Variants in COL5A2 observed in about 807,000 individuals in gnomAD.
COL5A2 encodes collagen alpha-2(V) chain.
In COL5A2, 23 loss-of-function variants were observed where a neutral mutation model predicts 208.2. The observed-to-expected ratio is 0.11, with a 90% CI of 0.08 to 0.16. The LOEUF is 0.16. Ranked by LOEUF, COL5A2 falls within the 10% of genes least tolerant of loss-of-function variation. The probability of loss-of-function intolerance (pLI) is 1.00; values close to 1 mark genes in which losing one functional copy is unlikely to be tolerated. For synonymous variants in COL5A2, 625 were observed against 628.5 expected (o/e 0.99, Z 0.08); for missense variants, 1,590 against 1,956.4 (o/e 0.81, Z 3.53).
chr2:189,386,866 C>T, the COL5A2 span, among the ~76,000 whole-genome samples: 1 of 152,232 alleles, frequency 6.6e-6, no homozygotes, highest in East Asian at 1.9e-4. Context: ...GATATTAATA[C>T]ACTGCTGGTG....
chr2:189,400,177 T>C, the COL5A2 span, among the ~76,000 whole-genome samples: 1 of 152,204 alleles, frequency 6.6e-6, no homozygotes, highest in Non-Finnish European at 1.5e-5. Context: ...TTGATACTTA[T>C]CCTGCTCTGA....
chr2:189,335,834 T>G, the COL5A2 span, among the ~76,000 whole-genome samples: 2 of 152,106 alleles, frequency 1.3e-5, no homozygotes, highest in African/African-American at 4.8e-5. Context: ...AATTACATAG[T>G]GGTGATGGTT....
At chr2:189,115,150 A>G (rs939776610) in intron 1 of COL5A2, among the ~76,000 whole-genome samples, 2 of 152,150 alleles carry the variant, frequency 1.3e-5, no homozygotes, top group Non-Finnish European at 2.9e-5. Flanking sequence ...CAGAAAAGAG[A>G]TATATTTTAT....
intron 5 of COL5A2, 165 bp from the exon 6 acceptor site, chr2:189,097,495 C>T (rs544983164): frequency 4.8e-5 from 35 of 735,372 alleles, no homozygotes; most frequent in Middle Eastern, 6.0e-4. Flanking sequence ...AAGTTCTGTA[C>T]GCTTAGAAGC....
At chr2:189,089,484 A>G (rs1686736252) in intron 7 of COL5A2, among the ~76,000 whole-genome samples, 1 of 152,224 alleles carries the variant, frequency 6.6e-6, no homozygotes, top group Admixed American at 6.5e-5. Flanking sequence ...ATCTGTTGAG[A>G]AAAATGTGTA....
the COL5A2 span, among the ~76,000 whole-genome samples, chr2:189,282,688 A>AT: frequency 2.6e-5 from 4 of 152,188 alleles, no homozygotes; most frequent in East Asian, 7.7e-4. Flanking sequence ...TTAGCATACC[A>AT]TTTTAGCCTT....
chr2:189,236,711 T>C, the COL5A2 span, among the ~76,000 whole-genome samples: 1 of 151,886 alleles, frequency 6.6e-6, no homozygotes, highest in Non-Finnish European at 1.5e-5. Flanking sequence ...CACTGGGCTA[T>C]CTGACATTTT....
the COL5A2 span, among the ~76,000 whole-genome samples, chr2:189,236,562 G>T: frequency 6.6e-6 from 1 of 151,796 alleles, no homozygotes; most frequent in Non-Finnish European, 1.5e-5. Context: ...TCTGGTGGGT[G>T]TAGAGTGGCA....
chr2:189,243,004 G>C, the COL5A2 span, among the ~76,000 whole-genome samples: 1 of 152,130 alleles, frequency 6.6e-6, no homozygotes. Flanking sequence ...CTATTTTGAT[G>C]GGTTGGATGG....
intron 1 of COL5A2, among the ~76,000 whole-genome samples, chr2:189,138,201 C>A (rs1431168313): frequency 6.6e-6 from 1 of 152,114 alleles, no homozygotes; most frequent in Non-Finnish European, 1.5e-5. Context: ...ATCTCGAACT[C>A]CTGACCTTGT....
chr2:189,358,389 A>G, the COL5A2 span, among the ~76,000 whole-genome samples: 1 of 152,142 alleles, frequency 6.6e-6, no homozygotes, highest in African/African-American at 2.4e-5. Context: ...AATAATTCTG[A>G]TTTTCAAGTA....
At chr2:189,378,592 T>C in the COL5A2 span, among the ~76,000 whole-genome samples, 5 of 151,906 alleles carry the variant, frequency 3.3e-5, no homozygotes, top group African/African-American at 7.3e-5. Context: ...GGCATGGTGG[T>C]GGGTGCCTGT....
At chr2:189,286,140 G>A in the COL5A2 span, among the ~76,000 whole-genome samples, 3 of 151,776 alleles carry the variant, frequency 2.0e-5, no homozygotes, top group African/African-American at 7.3e-5. Context: ...ATTGACATAG[G>A]CAGGTCAGAT....
At chr2:189,230,370 A>ATCT in the COL5A2 span, among the ~76,000 whole-genome samples, 2 of 151,908 alleles carry the variant, frequency 1.3e-5, no homozygotes, top group South Asian at 4.1e-4. Flanking sequence ...AAAGGAAACA[A>ATCT]GAGAGTCAAA....
At position 189,051,308 on chromosome 2, in the gene COL5A2, C is replaced by A. The variant is rs770222308; in HGVS notation, c.2931+12G>T. On this transcript the variant is annotated intron_variant, in intron 42 of 53. Coordinates refer to ENST00000374866, the MANE Select transcript of COL5A2 (RefSeq NM_000393.5). The stretch of plus-strand genomic sequence containing the variant: ...AGTTGAAGGTGGTCTGGAACGGATA[C>A]GCCAAACTTACAGGTTGCCCATCTT... 6.2e-7 allele frequency: 1 copy of A among 1,613,886 alleles called. No homozygotes were observed. The highest frequency in any genetic ancestry group is 1.7e-5 in the Admixed American group (1 of 59,992).
the COL5A2 span, among the ~76,000 whole-genome samples, chr2:189,286,558 G>C: frequency 6.6e-6 from 1 of 152,100 alleles, no homozygotes; most frequent in Admixed American, 6.6e-5. Context: ...GGTCAGACTT[G>C]AGTACAGACA....
At chr2:189,394,612 A>T in the COL5A2 span, among the ~76,000 whole-genome samples, 1 of 152,174 alleles carries the variant, frequency 6.6e-6, no homozygotes, top group Non-Finnish European at 1.5e-5. Flanking sequence ...TGAGAAATAA[A>T]TGTTTCTTGT....
the COL5A2 span, among the ~76,000 whole-genome samples, chr2:189,262,265 C>T: frequency 6.6e-6 from 1 of 151,898 alleles, no homozygotes; most frequent in East Asian, 1.9e-4. Context: ...GAAAGGACAC[C>T]ACCTGTCCAA....
At chr2:189,181,803 G>A (rs1468605976), upstream of COL5A2, among the ~76,000 whole-genome samples, 1 of 152,148 alleles carries the variant, frequency 6.6e-6, no homozygotes, top group African/African-American at 2.4e-5. Context: ...TGTTAATAAA[G>A]TTGTTTTAAA....
Sources: gnomAD v4.1 joint callset for allele counts (sites outside exome capture counted in the v4.1 genomes callset) on GRCh38, gnomAD v4.1.1 for gene constraint, MANE v1.5 for transcripts, NCBI Gene and HGNC (gene_info 2026-07-23, HGNC 2026-07-21) for gene names.